The following TAS2R1 variants were observed in gnomAD, a reference collection of about 807,000 sequenced individuals.
The protein encoded by TAS2R1 is taste 2 receptor member 1, also known as taste receptor type 2 member 1.
For missense variants in TAS2R1, 370 were observed against 353.4 expected, an observed-to-expected ratio of 1.05 and a Z score of -0.38; for synonymous variants, 141 against 134.2, an observed-to-expected ratio of 1.05 and a Z score of -0.35.
At chr5:9,883,844 A>G in the TAS2R1 span, 1 of 152,146 alleles carries the variant, frequency 6.6e-6, no homozygotes, top group African/African-American at 2.4e-5. Flanking sequence ...TTACAATACT[A>G]TCCTAGTCCA....
At chr5:9,693,721 C>A (rs531646998) in intron 1 of TAS2R1, among the ~76,000 whole-genome samples, 5 of 151,886 alleles carry the variant, frequency 3.3e-5, no homozygotes, top group Non-Finnish European at 7.4e-5. Flanking sequence ...ATACCATGAT[C>A]TCTGTCTTGA....
At chr5:9,873,931 G>A in the TAS2R1 span, among the ~76,000 whole-genome samples, 190 of 149,190 alleles carry the variant, frequency 1.3e-3, no homozygotes, top group African/African-American at 4.5e-3. Context: ...GAAAAGGGGA[G>A]GGTAGGGGAG....
chr5:9,652,941 G>A (rs1021529622), intron 2 of TAS2R1, among the ~76,000 whole-genome samples: 3 of 151,934 alleles, frequency 2.0e-5, no homozygotes, highest in Non-Finnish European at 4.4e-5. Context: ...AGTGGCATTG[G>A]GTACATTCAC....
At chr5:9,641,137 A>G (rs1187333938) in intron 2 of TAS2R1, among the ~76,000 whole-genome samples, 1 of 152,234 alleles carries the variant, frequency 6.6e-6, no homozygotes, top group African/African-American at 2.4e-5. Context: ...CCTGACAGGA[A>G]ACTAGCAGAG....
At chr5:9,635,028 CT>C (rs1304308819), upstream of TAS2R1, among the ~76,000 whole-genome samples, 2 of 151,944 alleles carry the variant, frequency 1.3e-5, no homozygotes, top group Non-Finnish European at 2.9e-5. Context: ...TGTTCTAGTT[CT>C]CAGGGAGAAT....
the TAS2R1 span, among the ~76,000 whole-genome samples, chr5:9,898,119 G>A: frequency 6.6e-6 from 1 of 152,068 alleles, no homozygotes; most frequent in African/African-American, 2.4e-5. Flanking sequence ...TAATTAAGTG[G>A]GCTAATTTTC....
At chr5:9,754,400 C>G in the TAS2R1 span, among the ~76,000 whole-genome samples, 1 of 152,166 alleles carries the variant, frequency 6.6e-6, no homozygotes, top group Non-Finnish European at 1.5e-5. Context: ...CTTGGAAGTT[C>G]TGGCCAGGGC....
At chr5:9,865,692 A>T in the TAS2R1 span, among the ~76,000 whole-genome samples, 108 of 152,232 alleles carry the variant, frequency 7.1e-4, no homozygotes, top group Middle Eastern at 0.01. Flanking sequence ...GTTCACAGTT[A>T]TTTTCTTATA....
chr5:9,696,882 A>G (rs760722125), intron 1 of TAS2R1, among the ~76,000 whole-genome samples: 15 of 152,022 alleles, frequency 9.9e-5, no homozygotes, highest in Non-Finnish European at 1.6e-4. Context: ...CCGTGGTGGC[A>G]CATGCCTGTA....
At chr5:9,657,559 T>C (rs1276880800) in intron 2 of TAS2R1, among the ~76,000 whole-genome samples, 2 of 152,188 alleles carry the variant, frequency 1.3e-5, no homozygotes, top group African/African-American at 4.8e-5. Flanking sequence ...ATCCATACAA[T>C]GAAATATTCA....
chr5:9,747,267 G>A, the TAS2R1 span, among the ~76,000 whole-genome samples: 2 of 152,096 alleles, frequency 1.3e-5, no homozygotes, highest in Admixed American at 1.3e-4. Flanking sequence ...AGGCCTGAAG[G>A]GTGTTAAAGA....
the TAS2R1 span, among the ~76,000 whole-genome samples, chr5:9,893,900 C>T: frequency 6.6e-6 from 1 of 152,108 alleles, no homozygotes; most frequent in African/African-American, 2.4e-5. Flanking sequence ...AAACACAGTA[C>T]CTAACATGGC....
chr5:9,718,216 A>G, the TAS2R1 span, among the ~76,000 whole-genome samples: 3 of 150,024 alleles, frequency 2.0e-5, no homozygotes, highest in Non-Finnish European at 3.0e-5. Context: ...TGATCTGCCC[A>G]CCTTGGCCTC....
the TAS2R1 span, among the ~76,000 whole-genome samples, chr5:9,812,106 G>A: frequency 2.0e-5 from 3 of 151,754 alleles, no homozygotes; most frequent in African/African-American, 7.3e-5. Flanking sequence ...ACCCTCTATA[G>A]CATAAATCAC....
the TAS2R1 span, among the ~76,000 whole-genome samples, chr5:9,828,950 T>C: frequency 6.6e-6 from 1 of 152,230 alleles, no homozygotes; most frequent in Non-Finnish European, 1.5e-5. Flanking sequence ...TTTCATTAGA[T>C]CTACTGGGTA....
chr5:9,779,848 T>C, the TAS2R1 span, among the ~76,000 whole-genome samples: 1 of 152,222 alleles, frequency 6.6e-6, no homozygotes, highest in Non-Finnish European at 1.5e-5. Context: ...TCGCAAATCT[T>C]CAATTTGTAA....
the TAS2R1 span, among the ~76,000 whole-genome samples, chr5:9,809,698 T>C: frequency 6.6e-6 from 1 of 152,158 alleles, no homozygotes; most frequent in Admixed American, 6.6e-5. Context: ...CATGTCCAGC[T>C]TAAAATCCTT....
At chr5:9,836,980 C>A in the TAS2R1 span, among the ~76,000 whole-genome samples, 1 of 152,024 alleles carries the variant, frequency 6.6e-6, no homozygotes, top group Non-Finnish European at 1.5e-5. Context: ...AGATTTAATA[C>A]GTTATTTTAT....
the TAS2R1 span, among the ~76,000 whole-genome samples, chr5:9,820,145 C>T: frequency 6.6e-6 from 1 of 151,980 alleles, no homozygotes; most frequent in Admixed American, 6.6e-5. Flanking sequence ...AAGAGCATTC[C>T]CAGTTTGCAC....
Sources: gnomAD v4.1 joint callset for allele counts (sites outside exome capture counted in the v4.1 genomes callset) on GRCh38, gnomAD v4.1.1 for gene constraint, MANE v1.5 for transcripts, NCBI Gene and HGNC (gene_info 2026-07-23, HGNC 2026-07-21) for gene names.